MYO1D: variants seen among roughly 807,000 people sequenced by gnomAD.
The protein encoded by MYO1D is unconventional myosin-Id.
A neutral mutation model predicts 122.0 loss-of-function variants in MYO1D; 83 were observed. The observed-to-expected ratio is 0.68, with a 90% CI of 0.57 to 0.82. The LOEUF (loss-of-function observed/expected upper bound fraction) is 0.82. Among genes scored for constraint, MYO1D ranks in the 40% least tolerant of loss-of-function variants. MYO1D has a pLI of 0.00. For synonymous variants in MYO1D, 464 were observed against 446.9 expected (o/e 1.04, Z -0.48); for missense variants, 1,157 against 1,269.5 (o/e 0.91, Z 1.35).
intron 20 of MYO1D, among the ~76,000 whole-genome samples, chr17:32,620,906 A>T (rs574580956): frequency 2.8e-4 from 42 of 152,340 alleles, no homozygotes; most frequent in African/African-American, 1.0e-3. Context: ...ATTTGCATAT[A>T]CACATTGAGT....
At chr17:32,735,625 T>G (rs2089692874) in intron 14 of MYO1D, among the ~76,000 whole-genome samples, 1 of 152,208 alleles carries the variant, frequency 6.6e-6, no homozygotes, top group Non-Finnish European at 1.5e-5. Context: ...TCATTTATCT[T>G]TCTGACAGCA....
intron 1 of MYO1D, among the ~76,000 whole-genome samples, chr17:32,825,530 C>A (rs1027672302): frequency 6.6e-6 from 1 of 152,118 alleles, no homozygotes; most frequent in Non-Finnish European, 1.5e-5. Flanking sequence ...TGGGCTCAGG[C>A]GATCCATCCA....
intron 1 of MYO1D, among the ~76,000 whole-genome samples, chr17:32,791,784 A>G (rs1416998660): frequency 2.0e-5 from 3 of 152,166 alleles, no homozygotes; most frequent in Admixed American, 6.5e-5. Flanking sequence ...TAATTAATTA[A>G]TTTAGAATAG....
chr17:32,798,815 C>T (rs2090438702), intron 1 of MYO1D, among the ~76,000 whole-genome samples: 1 of 152,154 alleles, frequency 6.6e-6, no homozygotes, highest in Non-Finnish European at 1.5e-5. Flanking sequence ...TGAGATATGG[C>T]ATTTTACAGC....
intron 1 of MYO1D, among the ~76,000 whole-genome samples, chr17:32,805,890 T>G (rs1007035566): frequency 1.3e-5 from 2 of 152,198 alleles, no homozygotes; most frequent in Non-Finnish European, 2.9e-5. Flanking sequence ...ATCTTTATTC[T>G]CAGGTTATCT....
chr17:32,645,434 A>G (rs144760277), intron 19 of MYO1D, among the ~76,000 whole-genome samples: 1 of 152,134 alleles, frequency 6.6e-6, no homozygotes, highest in East Asian at 1.9e-4. Context: ...TATTTCCTGA[A>G]TTTGAATGTT....
intron 21 of MYO1D, among the ~76,000 whole-genome samples, chr17:32,511,009 A>G (rs1447450872): frequency 1.3e-5 from 2 of 151,716 alleles, no homozygotes; most frequent in South Asian, 4.2e-4. Flanking sequence ...CCAAAGCCCC[A>G]TCACAAAACA....
intron 1 of MYO1D, among the ~76,000 whole-genome samples, chr17:32,860,149 G>T (rs184744345): frequency 8.5e-5 from 13 of 152,146 alleles, no homozygotes; most frequent in African/African-American, 3.1e-4. Flanking sequence ...CTGTTGCAAC[G>T]ACCTTCCACC....
intron 20 of MYO1D, among the ~76,000 whole-genome samples, chr17:32,615,083 G>A (rs1256885947): frequency 2.6e-5 from 4 of 152,198 alleles, no homozygotes; most frequent in Admixed American, 1.3e-4. Context: ...AGTAGCGGTC[G>A]TTTCATTCCA....
At chr17:32,801,035 A>G (rs2090456473) in intron 1 of MYO1D, among the ~76,000 whole-genome samples, 1 of 152,204 alleles carries the variant, frequency 6.6e-6, no homozygotes, top group Non-Finnish European at 1.5e-5. Flanking sequence ...TAAAAATAAA[A>G]CAAGAAAAAA....
At chr17:32,678,601 T>C (rs942246083) in intron 16 of MYO1D, among the ~76,000 whole-genome samples, 1 of 151,626 alleles carries the variant, frequency 6.6e-6, no homozygotes, top group African/African-American at 2.4e-5. Context: ...TCATTTTTTA[T>C]GGCTGCATAG....
intron 11 of MYO1D, among the ~76,000 whole-genome samples, chr17:32,750,619 A>G (rs900212467): frequency 1.2e-4 from 18 of 152,038 alleles, no homozygotes; most frequent in Admixed American, 5.2e-4. Context: ...CTGTCTCAAT[A>G]AATAAATAAA....
At chr17:32,669,200 C>T (rs2088676755) in intron 16 of MYO1D, among the ~76,000 whole-genome samples, 1 of 152,126 alleles carries the variant, frequency 6.6e-6, no homozygotes, top group African/African-American at 2.4e-5. Context: ...AGCTCTCTGC[C>T]CTTCCCCTAT....
chr17:32,640,938 A>G (rs947487029), intron 19 of MYO1D, among the ~76,000 whole-genome samples: 1 of 151,654 alleles, frequency 6.6e-6, no homozygotes. Context: ...TTTTATATAT[A>G]GATTTTTAAA....
chr17:32,507,572 G>C (rs541623890), intron 21 of MYO1D, among the ~76,000 whole-genome samples: 56 of 152,282 alleles, frequency 3.7e-4, no homozygotes, highest in African/African-American at 1.3e-3. Flanking sequence ...ACCATCTTCT[G>C]TGTCTACAGT....
chr17:32,520,209 A>G (rs1910084711), intron 21 of MYO1D, among the ~76,000 whole-genome samples: 1 of 152,152 alleles, frequency 6.6e-6, no homozygotes. Context: ...TGAGGGTGGA[A>G]ACCGGTCTGA....
intron 13 of MYO1D, among the ~76,000 whole-genome samples, chr17:32,741,947 G>A (rs1020675753): frequency 6.0e-5 from 9 of 150,784 alleles, no homozygotes; most frequent in Admixed American, 2.0e-4. Flanking sequence ...CCTGGGAGGC[G>A]GAGCTTGCAG....
intron 1 of MYO1D, among the ~76,000 whole-genome samples, chr17:32,851,228 T>C (rs947282752): frequency 6.6e-6 from 1 of 152,042 alleles, no homozygotes; most frequent in Non-Finnish European, 1.5e-5. Context: ...CAAAGCAAAA[T>C]AAAATCCAAT....
intron 1 of MYO1D, among the ~76,000 whole-genome samples, chr17:32,802,252 T>A (rs933171268): frequency 6.6e-6 from 1 of 152,264 alleles, no homozygotes; most frequent in African/African-American, 2.4e-5. Context: ...ATTTTGCTAA[T>A]AAGCTTCCTC....
Sources: gnomAD v4.1 joint callset for allele counts (sites outside exome capture counted in the v4.1 genomes callset) on GRCh38, gnomAD v4.1.1 for gene constraint, MANE v1.5 for transcripts, NCBI Gene and HGNC (gene_info 2026-07-23, HGNC 2026-07-21) for gene names.